Variants in MAP3K5 observed in about 807,000 individuals in gnomAD.
MAP3K5 encodes the protein ASK-1.
Under a neutral mutation model 158.7 loss-of-function variants are expected in MAP3K5, and 56 were observed. That is an observed-to-expected ratio of 0.35 (90% CI 0.28 to 0.44). The LOEUF (loss-of-function observed/expected upper bound fraction) is 0.44. Ranked by LOEUF, MAP3K5 falls within the 20% of genes least tolerant of loss-of-function variation. The probability of loss-of-function intolerance (pLI) is 1.00; values close to 1 mark genes in which losing one functional copy is unlikely to be tolerated. For missense variants in MAP3K5, 1,294 were observed against 1,674.8 expected, an observed-to-expected ratio of 0.77 and a Z score of 3.97; for synonymous variants, 579 against 601.7, an observed-to-expected ratio of 0.96 and a Z score of 0.55.
In MAP3K5 at chr6:136,609,856, G is replaced by A. The variant is rs1169324264; in HGVS notation, c.2521+1426C>T. Among the ~76,000 whole-genome samples, 1 of 150,984 alleles carries A rather than the reference G, an allele frequency of 6.6e-6. No individual in the cohort carries two copies. Among genetic ancestry groups the A allele is most frequent in the African/African-American group, 2.4e-5 (1 of 41,030 alleles). On this transcript the variant is annotated intron_variant, in intron 18 of 29. Coordinates refer to ENST00000359015, the MANE Select transcript of MAP3K5 (RefSeq NM_005923.4). The surrounding 1 kb of genome is among the most constrained non-coding windows in gnomAD (Gnocchi z 4.4). ...GGCATGACATCCTAGATACTTAGGAGAGTGGGGTGGGTGGACTGCTTAAAC... is the reference window on the plus strand; with the variant it reads ...GGCATGACATCCTAGATACTTAGGAAAGTGGGGTGGGTGGACTGCTTAAAC...
rs552779557 is a variant in MAP3K5, at chr6:136,769,536, T to C, written c.448+22174A>G. ...GTTATCTCTCAATTTTTAAAATAAA[T>C]TTAAAAATAGAAGAGAGAAGTATAC... On this transcript the variant is annotated intron_variant, in intron 1 of 29. Transcript: ENST00000359015. Among the ~76,000 whole-genome samples, 27 of 151,478 alleles carry C rather than the reference T, an allele frequency of 1.8e-4. No individual in the cohort carries two copies. In the South Asian group the frequency reaches 5.0e-3, roughly 28 times the overall value.
rs182283614 is a variant in MAP3K5, at chr6:136,577,581, T to C, written c.3517+2720A>G. 1.6e-4 allele frequency among the ~76,000 whole-genome samples: 24 copies of C among 152,336 alleles called. No individual in the cohort carries two copies. In the East Asian group the frequency reaches 4.6e-3, roughly 29 times the overall value. On this transcript the variant is annotated intron_variant, in intron 25 of 29. Coordinates refer to ENST00000359015, the MANE Select transcript of MAP3K5 (RefSeq NM_005923.4). ...CTGCACATGGTTGATCACAGCAGTG[T>C]CCATCCCTGGGACACTCGTGCAAGG...
At chr6:136,610,977 G>A (rs1304763863) in intron 18 of MAP3K5, among the ~76,000 whole-genome samples, 18 of 151,600 alleles carry the variant, frequency 1.2e-4, no homozygotes, top group African/African-American at 2.2e-4. Flanking sequence ...GCGTGGTGGC[G>A]CATGCCTGTA....
rs527798180 is a variant in MAP3K5 at position 136,560,587 on chromosome 6, T to G, written c.3987+946A>C. On this transcript the variant is annotated intron_variant, in intron 28 of 29. Coordinates refer to ENST00000359015, the MANE Select transcript of MAP3K5 (RefSeq NM_005923.4). The stretch of plus-strand genomic sequence containing the variant: ...TTCTGAAATAAGTCGACCAGATTGA[T>G]TTTATTAAGTAGCAATAAAATAGCT... 7.9e-5 allele frequency among the ~76,000 whole-genome samples: 12 copies of G among 152,316 alleles called. No individual in the cohort carries two copies. The South Asian group carries it at 2.5e-3, about 32-fold the overall frequency.
chr6:136,558,092 G>C (rs1830329395), intron 29 of MAP3K5, among the ~76,000 whole-genome samples: 1 of 152,148 alleles, frequency 6.6e-6, no homozygotes, highest in Non-Finnish European at 1.5e-5. Context: ...ATAGTTTTAT[G>C]CTTGGGCTGG....
chr6:136,565,081 TA>T (rs1774039820), intron 26 of MAP3K5, among the ~76,000 whole-genome samples: 1 of 152,234 alleles, frequency 6.6e-6, no homozygotes, highest in South Asian at 2.1e-4. Context: ...TAAACTCCAT[TA>T]AATTTAATTT....
intron 16 of MAP3K5, 98 bp downstream of exon 16, chr6:136,614,061 G>A (rs977615643): frequency 4.5e-6 from 6 of 1,347,774 alleles, no homozygotes; most frequent in Non-Finnish European, 6.0e-6. Context: ...TTTCAGTTTA[G>A]ACAGATTAAG....
intron 14 of MAP3K5, among the ~76,000 whole-genome samples, chr6:136,629,741 A>G (rs1583300904): frequency 6.6e-6 from 1 of 151,736 alleles, no homozygotes; most frequent in African/African-American, 2.4e-5. Flanking sequence ...GGTGTGAGCC[A>G]TGGCGCCCGG....
intron 7 of MAP3K5, among the ~76,000 whole-genome samples, chr6:136,687,486 A>C (rs953391569): frequency 1.3e-5 from 2 of 152,160 alleles, no homozygotes; most frequent in African/African-American, 4.8e-5. Context: ...AATGAACAGG[A>C]AACCTACAGA....
intron 25 of MAP3K5, among the ~76,000 whole-genome samples, chr6:136,570,003 C>T (rs1466050202): frequency 6.6e-6 from 1 of 152,120 alleles, no homozygotes; most frequent in African/African-American, 2.4e-5. Flanking sequence ...AAAAACTCTC[C>T]CCAGAAGAAA....
chr6:136,694,144 A>T lies in MAP3K5; in HGVS notation c.1249T>A (p.Ser417Thr). The T allele has an allele frequency of 6.2e-7, 1 of 1,609,002 alleles. No individual in the cohort carries two copies. Among genetic ancestry groups the T allele is most frequent in the Non-Finnish European group, 8.5e-7 (1 of 1,178,438 alleles). Reference protein sequence around the residue: ...TDTESRDHGASWFKKAFESEP... With the variant: ...TDTESRDHGATWFKKAFESEP... ...ATTTATATACTATTTACTTACCAAG[A>T]AGCTCCATGGTCTCTGCTTTCAGTG... is the stretch of plus-strand genomic sequence containing the variant. The change falls in exon 7 of 30, where the codon TCT (serine) becomes ACT (threonine). Residue 417 changes from serine (S) to threonine (T), a missense_variant. Physicochemically the swap from Ser to Thr is moderately conservative, Grantham distance 58 (BLOSUM62 1). Transcript: ENST00000359015.
At chr6:136,688,184 C>T (rs747272690) in intron 7 of MAP3K5, among the ~76,000 whole-genome samples, 1 of 152,122 alleles carries the variant, frequency 6.6e-6, no homozygotes, top group Non-Finnish European at 1.5e-5. Context: ...AAACCAAACA[C>T]CGCATGTTCT....
intron 13 of MAP3K5, among the ~76,000 whole-genome samples, chr6:136,637,695 C>A (rs1234661767): frequency 6.6e-6 from 1 of 151,042 alleles, no homozygotes; most frequent in African/African-American, 2.4e-5. Flanking sequence ...ATTTCAGAGA[C>A]AAGCAAAGTG....
intron 1 of MAP3K5, among the ~76,000 whole-genome samples, chr6:136,778,226 G>A (rs943582279): frequency 3.3e-5 from 5 of 151,948 alleles, no homozygotes; most frequent in Admixed American, 6.6e-5. Flanking sequence ...ATTTATATAC[G>A]TAATTTTCAT....
At chr6:136,740,416 T>G (rs146681253) in intron 1 of MAP3K5, among the ~76,000 whole-genome samples, 180 of 152,322 alleles carry the variant, frequency 1.2e-3, no homozygotes, top group Non-Finnish European at 2.2e-3. Context: ...CTGAAAATAT[T>G]CATGTCACGT....
chr6:136,667,068 T>A (rs943019439), intron 8 of MAP3K5, among the ~76,000 whole-genome samples: 4 of 152,302 alleles, frequency 2.6e-5, no homozygotes, highest in Non-Finnish European at 5.9e-5. Flanking sequence ...AGATTTAGAA[T>A]AAGTACATTT....
intron 7 of MAP3K5, among the ~76,000 whole-genome samples, chr6:136,689,468 T>A (rs962707126): frequency 6.6e-6 from 1 of 152,150 alleles, no homozygotes; most frequent in Non-Finnish European, 1.5e-5. Flanking sequence ...TACCCTACTT[T>A]CAGTTCTTGC....
intron 8 of MAP3K5, among the ~76,000 whole-genome samples, chr6:136,664,899 C>T (rs1349477366): frequency 6.6e-6 from 1 of 152,072 alleles, no homozygotes; most frequent in Non-Finnish European, 1.5e-5. Flanking sequence ...CCACTGCACT[C>T]CAGACCTGGG....
intron 1 of MAP3K5, among the ~76,000 whole-genome samples, chr6:136,735,461 T>A (rs1396476793): frequency 1.3e-5 from 2 of 152,262 alleles, no homozygotes; most frequent in Non-Finnish European, 2.9e-5. Context: ...GGATATTTGA[T>A]GATATCAAGA....
Sources: allele counts gnomAD v4.1 joint callset (sites outside exome capture counted in the v4.1 genomes callset), GRCh38; gene constraint gnomAD v4.1.1; non-coding constraint Gnocchi (gnomAD v3.1); transcripts MANE v1.5; gene names NCBI Gene and HGNC (gene_info 2026-07-23, HGNC 2026-07-21).